CDC27: variants seen among roughly 807,000 people sequenced by gnomAD.
CDC27 encodes the protein cell division cycle 27.
Under a neutral mutation model 109.7 loss-of-function variants are expected in CDC27, and 27 were observed. The observed-to-expected ratio is 0.25, with a 90% confidence interval of 0.18 to 0.34. The LOEUF (loss-of-function observed/expected upper bound fraction) is 0.34. Among genes scored for constraint, CDC27 ranks in the 10% least tolerant of loss-of-function variants. The pLI is 1.00. For synonymous variants in CDC27, 266 were observed against 333.9 expected, an observed-to-expected ratio of 0.80 and a Z score of 2.22; for missense variants, 579 against 960.2, an observed-to-expected ratio of 0.60 and a Z score of 5.25.
intron 3 of CDC27, 84 bp downstream of exon 3, chr17:47,171,833 T>A (rs1412110014): frequency 5.8e-6 from 5 of 860,052 alleles, no homozygotes; most frequent in Non-Finnish European, 9.0e-6. Flanking sequence ...AGAAAGGGAA[T>A]CAGAGTTTAA....
chr17:47,132,322 T>C lies in CDC27; in HGVS notation c.1966A>G (p.Met656Val), dbSNP rs1401510722. Residue 656 changes from methionine (M) to valine (V), a missense_variant, in exon 15 of 19, where the codon ATG (methionine) becomes GTG (valine). Met to Val is a conservative substitution (Grantham distance 21). Coordinates refer to ENST00000066544, the MANE Select transcript of CDC27 (RefSeq NM_001256.6). ...ATATCAAGCGCTTTTTGGAAATGCATTTCTGCAAGGCTGAATTTTTCTTGC... is the reference window on the plus strand; with the variant it reads ...ATATCAAGCGCTTTTTGGAAATGCACTTCTGCAAGGCTGAATTTTTCTTGC... Reference protein sequence around the residue: ...YKQEKFSLAEMHFQKALDINP... With the variant: ...YKQEKFSLAEVHFQKALDINP... 6.2e-7 allele frequency: 1 copy of C among 1,607,492 alleles called. No individual in the cohort carries two copies. Among genetic ancestry groups the C allele is most frequent in the Non-Finnish European group, 8.5e-7 (1 of 1,176,062 alleles).
chr17:47,156,641 T>C (rs2063316915), intron 7 of CDC27: 1 of 218,342 alleles, frequency 4.6e-6, no homozygotes, highest in Non-Finnish European at 8.9e-6. Flanking sequence ...AGAGACAGGG[T>C]TTCACCATGT....
rs1423069247 is a variant in CDC27, at chr17:47,119,022, T to C, written c.*1913A>G. On this transcript the variant is annotated 3_prime_UTR_variant, in exon 19 of 19. Transcript: ENST00000066544. ...AAGTTATGTTCTAAGCTTAGCTTTCTCCAGGCTTTATAACGCAGAACTCAG... is the reference window on the plus strand; with the variant it reads ...AAGTTATGTTCTAAGCTTAGCTTTCCCCAGGCTTTATAACGCAGAACTCAG... 6.6e-6 allele frequency: 1 copy of C among 152,208 alleles called. No individual in the cohort carries two copies. Among genetic ancestry groups the C allele is most frequent in the Non-Finnish European group, 1.5e-5 (1 of 68,034 alleles). 9.4% of individuals were successfully genotyped at this position (152,208 alleles called of 1,614,324 possible).
At chr17:47,127,356 C>T (rs1052740472) in intron 16 of CDC27, among the ~76,000 whole-genome samples, 1 of 152,120 alleles carries the variant, frequency 6.6e-6, no homozygotes, top group Non-Finnish European at 1.5e-5. Context: ...AAAGGAATTA[C>T]TAGATAAATT....
At chr17:47,138,952 G>GAA (rs1335072905) in intron 12 of CDC27, 61 bp from the exon 13 acceptor site, 1 of 1,121,082 alleles carries the variant, frequency 8.9e-7, no homozygotes, top group African/African-American at 1.6e-5. Flanking sequence ...TATACACAGG[G>GAA]AAAGCCCTGG....
At chr17:47,159,698 G>A (rs977961180) in intron 4 of CDC27, 10 of 419,052 alleles carry the variant, frequency 2.4e-5, no homozygotes, top group African/African-American at 1.0e-4. Flanking sequence ...GGCAACAAAC[G>A]CCTCGAACCT....
chr17:47,148,904 G>A (rs1166677751), intron 9 of CDC27, among the ~76,000 whole-genome samples: 3 of 151,592 alleles, frequency 2.0e-5, no homozygotes, highest in African/African-American at 7.3e-5. Flanking sequence ...CATGGTGAAA[G>A]CCAATCTCTA....
chr17:47,133,136 T>TATATAA (rs2062443930), intron 14 of CDC27, among the ~76,000 whole-genome samples: 1 of 114,512 alleles, frequency 8.7e-6, no homozygotes, highest in South Asian at 2.7e-4. Context: ...TATATATATA[T>TATATAA]AATATATATG....
At chr17:47,164,334 C>T (rs979098592) in intron 4 of CDC27, among the ~76,000 whole-genome samples, 1 of 152,190 alleles carries the variant, frequency 6.6e-6, no homozygotes, top group Non-Finnish European at 1.5e-5. Context: ...TAAAGTGACA[C>T]ATGACTGTAT....
intron 1 of CDC27, among the ~76,000 whole-genome samples, chr17:47,184,685 G>A (rs951296438): frequency 2.6e-5 from 4 of 152,118 alleles, no homozygotes; most frequent in South Asian, 2.1e-4. Context: ...TTGCCATCTC[G>A]AGAATCTCAC....
In CDC27 at chr17:47,181,572, A is replaced by G. The variant is rs2064241132; in HGVS notation, c.93T>C (p.Leu31=). ...GAATAGATTTCAAACCTTCTGCATAAAGGCGTTCTGCGAGGAAAACCGCAT... is the reference window on the plus strand; with the variant it reads ...GAATAGATTTCAAACCTTCTGCATAGAGGCGTTCTGCGAGGAAAACCGCAT... ...YRDAVFLAER[L]YAEVHSEEAL... is the part of the protein sequence containing the mutation. Residue 31 remains leucine (L), a synonymous_variant, in exon 2 of 19, where the codon CTT becomes CTC. Coordinates refer to ENST00000066544, the MANE Select transcript of CDC27 (RefSeq NM_001256.6). 6.3e-7 allele frequency: 1 copy of G among 1,595,180 alleles called. No individual in the cohort carries two copies. Among genetic ancestry groups the G allele is most frequent in the Non-Finnish European group, 8.6e-7 (1 of 1,163,794 alleles).
chr17:47,127,680 C>T (rs555268673), intron 16 of CDC27, among the ~76,000 whole-genome samples: 171 of 152,078 alleles, frequency 1.1e-3, no homozygotes, highest in Admixed American at 3.8e-3. Context: ...GGATTACATA[C>T]GTGAGCCACT....
chr17:47,180,707 A>T (rs2064187431), intron 2 of CDC27, among the ~76,000 whole-genome samples: 1 of 152,128 alleles, frequency 6.6e-6, no homozygotes, highest in African/African-American at 2.4e-5. Context: ...AGTGGTGTTT[A>T]TTAAGCATTG....
At chr17:47,153,060 C>T (rs1051161488) in intron 8 of CDC27, among the ~76,000 whole-genome samples, 2 of 152,170 alleles carry the variant, frequency 1.3e-5, no homozygotes, top group Non-Finnish European at 2.9e-5. Context: ...AGCCTTCCTC[C>T]GCCTTTTCCA....
At position 47,185,478 on chromosome 17, in the gene CDC27, C is replaced by T. The variant is rs150384989; in HGVS notation, c.27+3668G>A. ...GATTACAGGCGTGAGGCACCGCGCC[C>T]GGCCTGTAATCATTATAAATTTTTT... On this transcript the variant is annotated intron_variant, in intron 1 of 18. Coordinates refer to ENST00000066544, the MANE Select transcript of CDC27 (RefSeq NM_001256.6). Among the ~76,000 whole-genome samples the T allele has an allele frequency of 7.4e-4, 112 of 152,230 alleles. 1 individual carries two copies. In the East Asian group the frequency reaches 0.021, roughly 28 times the overall value.
rs560702838 is a variant in CDC27 at position 47,183,179 on chromosome 17, G to A, written c.28-1542C>T. On this transcript the variant is annotated intron_variant, in intron 1 of 18. Transcript: ENST00000066544. ...TCTCACACCTGATCATGATACAAGCGTTATTTTTTATTTTTAGCACATACA... is the reference window on the plus strand; with the variant it reads ...TCTCACACCTGATCATGATACAAGCATTATTTTTTATTTTTAGCACATACA... Among the ~76,000 whole-genome samples the A allele has an allele frequency of 1.6e-4, 25 of 152,056 alleles. 1 individual carries two copies. In the South Asian group the frequency reaches 4.2e-3, roughly 25 times the overall value.
chr17:47,144,005 G>C (rs1291521338), intron 9 of CDC27, 23 bp from the exon 10 acceptor site: 1 of 1,082,684 alleles, frequency 9.2e-7, no homozygotes, highest in Non-Finnish European at 1.3e-6. Context: ...TATAAAGGAA[G>C]ACATTAATAT....
intron 2 of CDC27, among the ~76,000 whole-genome samples, chr17:47,176,545 G>C (rs765240243): frequency 1.1e-4 from 16 of 152,178 alleles, no homozygotes; most frequent in Non-Finnish European, 1.5e-4. Context: ...CTTAGTGTTT[G>C]AGGCAGAAAA....
rs558815409 is a variant in CDC27, at chr17:47,168,983, C to CTT, written c.377+932_377+933dup. ...ATGGGCAGAGTTACTTGTTCTTTTTCTTTTTTTTTTTCTTTTTTTTTTTTT... is the reference window on the plus strand; with the variant it reads ...ATGGGCAGAGTTACTTGTTCTTTTTCTTTTTTTTTTTTTCTTTTTTTTTTTTT... On this transcript the variant is annotated intron_variant, in intron 4 of 18. Transcript: ENST00000066544. 1.4e-3 allele frequency among the ~76,000 whole-genome samples: 198 copies of CTT among 139,328 alleles called. 2 individuals carry two copies. The highest frequency in any genetic ancestry group is 2.3e-3 in the Non-Finnish European group (147 of 63,920). 91.4% of individuals were successfully genotyped at this position (139,328 alleles called of 152,430 possible).
Sources: gnomAD v4.1 joint callset for allele counts (sites outside exome capture counted in the v4.1 genomes callset) on GRCh38, gnomAD v4.1.1 for gene constraint, MANE v1.5 for transcripts, NCBI Gene and HGNC (gene_info 2026-07-23, HGNC 2026-07-21) for gene names.